The following WWOX variants were observed in gnomAD, a reference collection of about 807,000 sequenced individuals.
The protein encoded by WWOX is WW domain containing oxidoreductase, also known as WW domain-containing oxidoreductase.
In WWOX, 69 loss-of-function variants were observed where a neutral mutation model predicts 46.2. That is an observed-to-expected ratio of 1.49 (90% CI 1.23 to 1.82). The LOEUF is 1.82. Among genes scored for constraint, WWOX ranks in the 40% most tolerant of loss-of-function variants. WWOX has a pLI of 0.00. For synonymous variants in WWOX, 359 were observed against 202.6 expected (o/e 1.77, Z -6.56); for missense variants, 919 against 542.6 (o/e 1.69, Z -6.89).
chr16:79,044,278 C>T (rs8046508), intron 8 of WWOX, among the ~76,000 whole-genome samples: 34,582 of 151,968 alleles, frequency 0.23, 5,315 homozygotes, highest in African/African-American at 0.44. Context: ...TTCCAGCTGG[C>T]GGTCTGATAC....
chr16:78,405,275 A>G (rs1426918292), intron 6 of WWOX, among the ~76,000 whole-genome samples: 2 of 152,168 alleles, frequency 1.3e-5, no homozygotes, highest in Admixed American at 6.5e-5. Flanking sequence ...GCTGTGCTCC[A>G]CTCTGGGTAA....
chr16:79,047,890 C>G (rs1431596557), intron 8 of WWOX, among the ~76,000 whole-genome samples: 2 of 151,350 alleles, frequency 1.3e-5, no homozygotes, highest in East Asian at 1.9e-4. Context: ...TTCAGATTCA[C>G]AGACTCTGCA....
intron 8 of WWOX, among the ~76,000 whole-genome samples, chr16:78,907,261 G>A (rs930267702): frequency 6.6e-6 from 1 of 152,258 alleles, no homozygotes; most frequent in Admixed American, 6.5e-5. Context: ...CCAGTTGAAT[G>A]GGGATGGGGC....
At position 78,278,575 on chromosome 16, in the gene WWOX, A is replaced by C. The variant is rs192807355; in HGVS notation, c.517-108285A>C. 3 of 1,596,320 alleles carry C rather than the reference A, an allele frequency of 1.9e-6. No homozygotes were observed. The East Asian group carries it at 6.7e-5, about 36-fold the overall frequency. The stretch of plus-strand genomic sequence containing the variant: ...TGTTGTTCTCATAACTTAATTTTAC[A>C]CAACTGTCTTTTGTTTGTATCTTAC... On this transcript the variant is annotated intron_variant, in intron 5 of 8. Transcript: ENST00000566780.
chr16:78,830,148 G>A (rs777453367), intron 8 of WWOX, among the ~76,000 whole-genome samples: 1 of 152,094 alleles, frequency 6.6e-6, no homozygotes, highest in Non-Finnish European at 1.5e-5. Context: ...TTCTGCAACA[G>A]CAGCAGCAAG....
At chr16:78,956,876 T>G (rs976330436) in intron 8 of WWOX, among the ~76,000 whole-genome samples, 6 of 152,196 alleles carry the variant, frequency 3.9e-5, no homozygotes, top group African/African-American at 1.4e-4. Context: ...CATGTAGGCT[T>G]GAGCCACTCA....
chr16:78,426,391 C>T (rs2083078414), intron 7 of WWOX, among the ~76,000 whole-genome samples: 1 of 152,156 alleles, frequency 6.6e-6, no homozygotes, highest in Non-Finnish European at 1.5e-5. Context: ...TTGTCAGCTG[C>T]TCACTCTCCT....
chr16:78,697,509 A>G (rs2048126421), intron 8 of WWOX, among the ~76,000 whole-genome samples: 2 of 152,204 alleles, frequency 1.3e-5, no homozygotes, highest in Admixed American at 1.3e-4. Flanking sequence ...CTATACGTCT[A>G]TACAAGGACT....
intron 8 of WWOX, among the ~76,000 whole-genome samples, chr16:79,104,048 G>T (rs865933424): frequency 2.0e-5 from 2 of 102,016 alleles, no homozygotes; most frequent in South Asian, 4.3e-4. Context: ...GGGGGGGGGG[G>T]GGCGGGTGGT....
Position 78,718,616 on chromosome 16 carries a change from G to A in WWOX, c.1056+285864G>A, listed in dbSNP as rs529005307. On this transcript the variant is annotated intron_variant, in intron 8 of 8. Transcript: ENST00000566780. ...TAGGTACTCTGGAGGGTGACGGTGG[G>A]AGGATCCCTTGAGCCCAGGATTTTG... Among the ~76,000 whole-genome samples the A allele has an allele frequency of 1.9e-3, 285 of 152,110 alleles. 1 individual carries two copies. The highest frequency in any genetic ancestry group is 3.4e-3 in the Non-Finnish European group (232 of 67,982).
At chr16:78,910,139 C>T (rs191673193) in intron 8 of WWOX, among the ~76,000 whole-genome samples, 11 of 150,758 alleles carry the variant, frequency 7.3e-5, no homozygotes, top group African/African-American at 2.7e-4. Flanking sequence ...GTCTGTCCTT[C>T]TGGGGATGAT....
chr16:78,371,482 C>A (rs914589491), intron 5 of WWOX, among the ~76,000 whole-genome samples: 1 of 152,096 alleles, frequency 6.6e-6, no homozygotes, highest in East Asian at 1.9e-4. Flanking sequence ...GGTTTATACT[C>A]TTTTAATGGT....
intron 8 of WWOX, among the ~76,000 whole-genome samples, chr16:78,880,510 A>G (rs954617620): frequency 6.6e-6 from 1 of 152,248 alleles, no homozygotes; most frequent in Non-Finnish European, 1.5e-5. Flanking sequence ...GTCAAGCACT[A>G]TCGGTAATTA....
chr16:78,910,256 C>T (rs986389117), intron 8 of WWOX, among the ~76,000 whole-genome samples: 1 of 150,154 alleles, frequency 6.7e-6, no homozygotes, highest in Non-Finnish European at 1.5e-5. Flanking sequence ...CAGGTGGATT[C>T]CCTGCTTTCT....
At chr16:78,226,798 G>A (rs1481096481) in intron 5 of WWOX, among the ~76,000 whole-genome samples, 3 of 152,116 alleles carry the variant, frequency 2.0e-5, no homozygotes, top group Non-Finnish European at 2.9e-5. Context: ...TACGCAGGAA[G>A]TACGTTTCCC....
chr16:78,580,187 C>A (rs1304301143), intron 8 of WWOX, among the ~76,000 whole-genome samples: 1 of 151,932 alleles, frequency 6.6e-6, no homozygotes, highest in Non-Finnish European at 1.5e-5. Context: ...GATTCTCCTG[C>A]CTCAGCCTCT....
intron 8 of WWOX, among the ~76,000 whole-genome samples, chr16:78,583,680 G>A (rs186200670): frequency 3.3e-5 from 5 of 152,286 alleles, no homozygotes; most frequent in East Asian, 3.9e-4. Context: ...CAGCGGGTTG[G>A]GGGGGTTGCT....
chr16:79,130,476 C>T (rs897994095), intron 8 of WWOX, among the ~76,000 whole-genome samples: 6 of 152,082 alleles, frequency 3.9e-5, no homozygotes, highest in African/African-American at 1.4e-4. Flanking sequence ...GTAAAGGCCT[C>T]AGAGAGAAGA....
chr16:78,929,375 C>G (rs76270030), intron 8 of WWOX, among the ~76,000 whole-genome samples: 5,133 of 151,846 alleles, frequency 0.034, 256 homozygotes, highest in African/African-American at 0.11. Flanking sequence ...CTCCTGCTTG[C>G]CTTATTTTTA....
Sources: allele counts gnomAD v4.1 joint callset (sites outside exome capture counted in the v4.1 genomes callset), GRCh38; gene constraint gnomAD v4.1.1; transcripts MANE v1.5; gene names NCBI Gene and HGNC (gene_info 2026-07-23, HGNC 2026-07-21).